The following BTBD9 variants were observed in gnomAD, a reference collection of about 807,000 sequenced individuals.
BTBD9 encodes the protein BTB domain containing 9, also known as BTB/POZ domain-containing protein 9.
Under a neutral mutation model 64.3 loss-of-function variants are expected in BTBD9, and 49 were observed. That is an observed-to-expected ratio of 0.76 (90% CI 0.61 to 0.97). The LOEUF (loss-of-function observed/expected upper bound fraction) is 0.97, where lower values mean the gene tolerates loss of function less well. BTBD9 is among the 50% of genes least tolerant of loss of function. The pLI is 0.00. For synonymous variants in BTBD9, 260 were observed against 274.7 expected (o/e 0.95, Z 0.53); for missense variants, 598 against 762.1 (o/e 0.78, Z 2.53).
intron 6 of BTBD9, among the ~76,000 whole-genome samples, chr6:38,528,899 AAG>A (rs1773644028): frequency 6.6e-6 from 1 of 152,114 alleles, no homozygotes; most frequent in African/African-American, 2.4e-5. Context: ...GCTTAAGAAA[AAG>A]AGAGACAAGA....
intron 7 of BTBD9, among the ~76,000 whole-genome samples, chr6:38,326,480 C>A (rs1373196320): frequency 6.6e-6 from 1 of 152,038 alleles, no homozygotes; most frequent in Non-Finnish European, 1.5e-5. Flanking sequence ...CAAAAAAAGA[C>A]TAGGGAGGAC....
intron 6 of BTBD9, among the ~76,000 whole-genome samples, chr6:38,351,537 T>A (rs1367050598): frequency 8.7e-6 from 1 of 114,952 alleles, no homozygotes. Context: ...TGAGATGGAG[T>A]CTCACTTTAT....
intron 7 of BTBD9, among the ~76,000 whole-genome samples, chr6:38,301,518 A>G (rs543959470): frequency 6.6e-6 from 1 of 152,134 alleles, no homozygotes; most frequent in African/African-American, 2.4e-5. Flanking sequence ...TAAGCTATTA[A>G]TTATTGCCTC....
intron 6 of BTBD9, among the ~76,000 whole-genome samples, chr6:38,412,812 T>A (rs891013161): frequency 6.6e-6 from 1 of 151,818 alleles, no homozygotes; most frequent in African/African-American, 2.4e-5. Context: ...TGAGCCGAGA[T>A]CAGACCACTG....
At chr6:38,457,402 T>C (rs1166768429) in intron 6 of BTBD9, among the ~76,000 whole-genome samples, 1 of 152,168 alleles carries the variant, frequency 6.6e-6, no homozygotes, top group African/African-American at 2.4e-5. Context: ...TTAGTGCAGA[T>C]TGCAGTAGAT....
chr6:38,289,581 A>G (rs1761880328), intron 7 of BTBD9, among the ~76,000 whole-genome samples: 1 of 152,222 alleles, frequency 6.6e-6, no homozygotes, highest in African/African-American at 2.4e-5. Context: ...ACATAATAGG[A>G]AAGTGATCTG....
chr6:38,568,690 C>G (rs1775628889), intron 6 of BTBD9, among the ~76,000 whole-genome samples: 1 of 152,196 alleles, frequency 6.6e-6, no homozygotes, highest in Admixed American at 6.5e-5. Context: ...TCCTCACATG[C>G]AGCATGTACC....
intron 10 of BTBD9, among the ~76,000 whole-genome samples, chr6:38,190,253 G>A (rs1762002207): frequency 6.6e-6 from 1 of 151,770 alleles, no homozygotes. Flanking sequence ...ATCACCTGAG[G>A]TCAGGAGTTC....
intron 9 of BTBD9, among the ~76,000 whole-genome samples, chr6:38,222,637 G>A (rs1006719139): frequency 3.3e-5 from 5 of 152,098 alleles, no homozygotes; most frequent in Non-Finnish European, 7.3e-5. Context: ...AAAGCTTCCA[G>A]TTGAAGAATA....
rs549337638 is a variant in BTBD9 at position 38,616,561 on chromosome 6, G to A, written c.-27-18440C>T. Reference sequence around the variant, plus strand: ...TGAGGCCAGCTGGACTTCCTGGGTCGGATGGGGACTTGGGGAACTTTCCTG... The same window carrying A: ...TGAGGCCAGCTGGACTTCCTGGGTCAGATGGGGACTTGGGGAACTTTCCTG... On this transcript the variant is annotated intron_variant, in intron 1 of 10. Transcript: ENST00000481247. Among the ~76,000 whole-genome samples, 17 of 152,152 alleles carry A rather than the reference G, an allele frequency of 1.1e-4. No individual in the cohort carries two copies. The East Asian group carries it at 2.3e-3, about 21-fold the overall frequency.
chr6:38,454,249 C>T (rs1214105445), intron 6 of BTBD9, among the ~76,000 whole-genome samples: 2 of 152,006 alleles, frequency 1.3e-5, no homozygotes, highest in African/African-American at 4.8e-5. Flanking sequence ...CATATAAGGA[C>T]AAACTCTTAA....
chr6:38,344,596 A>G (rs1764211841), intron 7 of BTBD9, among the ~76,000 whole-genome samples: 1 of 152,206 alleles, frequency 6.6e-6, no homozygotes, highest in Non-Finnish European at 1.5e-5. Context: ...ATCAAAGGCC[A>G]AAATACCTGC....
intron 6 of BTBD9, among the ~76,000 whole-genome samples, chr6:38,407,583 G>C (rs1767225377): frequency 6.6e-6 from 1 of 152,082 alleles, no homozygotes; most frequent in South Asian, 2.1e-4. Context: ...TTTAATAAAA[G>C]TCATTTTCCC....
chr6:38,579,094 C>A (rs1776180134), intron 5 of BTBD9, among the ~76,000 whole-genome samples: 1 of 152,092 alleles, frequency 6.6e-6, no homozygotes, highest in East Asian at 1.9e-4. Flanking sequence ...TTAAAAACAT[C>A]AAATTATATC....
chr6:38,418,174 T>A (rs747455604), intron 6 of BTBD9, among the ~76,000 whole-genome samples: 29 of 152,178 alleles, frequency 1.9e-4, no homozygotes, highest in Non-Finnish European at 2.9e-4. Context: ...AAAGCATTGG[T>A]ATGAGATGAG....
intron 9 of BTBD9, among the ~76,000 whole-genome samples, chr6:38,240,445 T>C (rs1763955322): frequency 6.6e-6 from 1 of 152,184 alleles, no homozygotes; most frequent in East Asian, 1.9e-4. Context: ...CCTAGATAAA[T>C]ATCAGACTTT....
intron 1 of BTBD9, among the ~76,000 whole-genome samples, chr6:38,599,529 T>G (rs928137308): frequency 6.6e-6 from 1 of 152,152 alleles, no homozygotes; most frequent in African/African-American, 2.4e-5. Context: ...ATGCCCCCGG[T>G]GAAGAGGTAG....
chr6:38,418,797 C>A (rs1413246366), intron 6 of BTBD9, among the ~76,000 whole-genome samples: 1 of 152,114 alleles, frequency 6.6e-6, no homozygotes, highest in African/African-American at 2.4e-5. Flanking sequence ...GGCAATATCA[C>A]CTTGGATGAG....
chr6:38,417,371 T>C (rs959885083), intron 6 of BTBD9, among the ~76,000 whole-genome samples: 2 of 152,198 alleles, frequency 1.3e-5, no homozygotes, highest in Non-Finnish European at 2.9e-5. Flanking sequence ...ACTTATCTAA[T>C]TCACATGTAA....
Sources: allele counts gnomAD v4.1 joint callset (sites outside exome capture counted in the v4.1 genomes callset), GRCh38; gene constraint gnomAD v4.1.1; transcripts MANE v1.5; gene names NCBI Gene and HGNC (gene_info 2026-07-23, HGNC 2026-07-21).